FRMD4A: variants seen among roughly 807,000 people sequenced by gnomAD.
FRMD4A encodes FERM domain containing 4A, also known as FERM domain-containing protein 4A.
Under a neutral mutation model 129.1 loss-of-function variants are expected in FRMD4A, and 29 were observed. The ratio of observed to expected loss-of-function variants is 0.22; its 90% confidence interval spans 0.17 to 0.31. The LOEUF (loss-of-function observed/expected upper bound fraction) is 0.31, where lower values mean the gene tolerates loss of function less well. Among genes scored for constraint, FRMD4A ranks in the 10% least tolerant of loss-of-function variants. The pLI, the probability that FRMD4A is intolerant of heterozygous loss-of-function variation, is 1.00. For missense variants in FRMD4A, 1,272 were observed against 1,375.8 expected, an observed-to-expected ratio of 0.92 and a Z score of 1.19; for synonymous variants, 634 against 571.6, an observed-to-expected ratio of 1.11 and a Z score of -1.56.
At chr10:14,294,934 A>C (rs1845962428) in intron 2 of FRMD4A, among the ~76,000 whole-genome samples, 2 of 152,166 alleles carry the variant, frequency 1.3e-5, no homozygotes. Flanking sequence ...TCGGCAATCT[A>C]TCCTGGTATC....
At chr10:13,868,140 A>G (rs926552622) in intron 2 of FRMD4A, among the ~76,000 whole-genome samples, 10 of 151,444 alleles carry the variant, frequency 6.6e-5, no homozygotes, top group African/African-American at 2.2e-4. Flanking sequence ...CCAGGGAAAT[A>G]ACACTTATTA....
intron 2 of FRMD4A, among the ~76,000 whole-genome samples, chr10:13,979,822 G>A (rs10508470): frequency 0.26 from 39,263 of 152,122 alleles, 6,104 homozygotes; most frequent in East Asian, 0.6. Flanking sequence ...TGTATGTTCT[G>A]TTAAAACACA....
In FRMD4A at chr10:13,904,995, A is replaced by AG. The variant is rs71388131; in HGVS notation, c.46-46084_46-46083insC. Among the ~76,000 whole-genome samples, 875 of 146,772 alleles carry AG rather than the reference A, an allele frequency of 6.0e-3. 20 individuals carry two copies. Among genetic ancestry groups the AG allele is most frequent in the Middle Eastern group, 0.011 (3 of 282 alleles). On this transcript the variant is annotated intron_variant, in intron 2 of 24. Transcript: ENST00000357447. ...GCGACAGAGTGAGACTCTATCTCAA[A>AG]AAAAAAAAAAAAAAAGAAAAGAAAA...
At chr10:13,948,101 A>G (rs2095345652) in intron 2 of FRMD4A, among the ~76,000 whole-genome samples, 1 of 151,874 alleles carries the variant, frequency 6.6e-6, no homozygotes, top group South Asian at 2.1e-4. Context: ...TTTTCTTGTT[A>G]TTGTGCAAGC....
At chr10:14,234,509 G>C (rs540506576) in intron 2 of FRMD4A, among the ~76,000 whole-genome samples, 1 of 152,180 alleles carries the variant, frequency 6.6e-6, no homozygotes, top group Non-Finnish European at 1.5e-5. Flanking sequence ...ACGTTACTCT[G>C]GGCTGCCAGA....
chr10:14,256,834 A>G (rs1481301067), intron 2 of FRMD4A, among the ~76,000 whole-genome samples: 1 of 152,072 alleles, frequency 6.6e-6, no homozygotes, highest in Admixed American at 6.6e-5. Context: ...AATTTTTTAA[A>G]ATAAAAATAA....
At chr10:13,804,554 T>TCTTTC (rs1209518708) in intron 4 of FRMD4A, among the ~76,000 whole-genome samples, 15 of 151,044 alleles carry the variant, frequency 9.9e-5, no homozygotes, top group African/African-American at 2.4e-4. Flanking sequence ...TTTATTTCTT[T>TCTTTC]TTTTTGTTGA....
intron 2 of FRMD4A, among the ~76,000 whole-genome samples, chr10:14,053,591 C>G (rs1453255254): frequency 6.6e-6 from 1 of 152,160 alleles, no homozygotes; most frequent in Non-Finnish European, 1.5e-5. Context: ...AAGTGCCTCA[C>G]TTTACTTTCC....
chr10:14,240,483 C>A (rs1324793965), intron 2 of FRMD4A, among the ~76,000 whole-genome samples: 2 of 152,154 alleles, frequency 1.3e-5, no homozygotes, highest in African/African-American at 4.8e-5. Context: ...CTCCTAGCAA[C>A]TGTTGTTATG....
At chr10:13,868,396 T>G (rs7901467) in intron 2 of FRMD4A, among the ~76,000 whole-genome samples, 1 of 152,142 alleles carries the variant, frequency 6.6e-6, no homozygotes, top group South Asian at 2.1e-4. Flanking sequence ...GACACAGGCA[T>G]GAGACACCAG....
At chr10:14,055,132 A>G (rs973951461) in intron 2 of FRMD4A, among the ~76,000 whole-genome samples, 1 of 152,006 alleles carries the variant, frequency 6.6e-6, no homozygotes, top group Non-Finnish European at 1.5e-5. Flanking sequence ...GAAGTACTTC[A>G]GAGAAGATCC....
At chr10:14,229,369 C>T (rs111373249) in intron 2 of FRMD4A, among the ~76,000 whole-genome samples, 172 of 152,292 alleles carry the variant, frequency 1.1e-3, no homozygotes, top group African/African-American at 3.5e-3. Context: ...ATCATTTAAA[C>T]TTGTGCTACT....
At chr10:13,984,792 T>C (rs2095575190) in intron 2 of FRMD4A, among the ~76,000 whole-genome samples, 1 of 152,204 alleles carries the variant, frequency 6.6e-6, no homozygotes. Context: ...TTGTTTCCAC[T>C]TTTTGGCTAC....
At chr10:14,217,330 C>T (rs1714478422) in intron 2 of FRMD4A, among the ~76,000 whole-genome samples, 1 of 152,052 alleles carries the variant, frequency 6.6e-6, no homozygotes, top group African/African-American at 2.4e-5. Context: ...TGGGAGGGAC[C>T]CAGTGGGAGA....
intron 2 of FRMD4A, among the ~76,000 whole-genome samples, chr10:14,110,141 A>AAAAAAAAAAAAAAAAAAC (rs1355338689): frequency 6.6e-6 from 1 of 150,734 alleles, no homozygotes; most frequent in Non-Finnish European, 1.5e-5. Context: ...AAAAAAAAAA[A>AAAAAAAAAAAAAAAAAAC]AAAAAAGCTC....
intron 2 of FRMD4A, among the ~76,000 whole-genome samples, chr10:13,984,947 G>A (rs922368646): frequency 6.6e-6 from 1 of 152,238 alleles, no homozygotes; most frequent in South Asian, 2.1e-4. Context: ...TGTGCTGTTA[G>A]ATACTGATCT....
At chr10:13,736,208 G>C (rs1218337658) in intron 12 of FRMD4A, among the ~76,000 whole-genome samples, 1 of 152,004 alleles carries the variant, frequency 6.6e-6, no homozygotes, top group African/African-American at 2.4e-5. Flanking sequence ...GTTCTAAAAA[G>C]AAGGAGGGAA....
In FRMD4A at chr10:14,020,706, C is replaced by T. The variant is rs1588794173; in HGVS notation, c.46-161794G>A. 2.0e-5 allele frequency among the ~76,000 whole-genome samples: 3 copies of T among 152,104 alleles called. No individual in the cohort carries two copies. The South Asian group carries it at 6.2e-4, about 32-fold the overall frequency. The stretch of plus-strand genomic sequence containing the variant: ...TTGTTTAGAGGCCATGCTAGGGAAG[C>T]CAGCAGGAGCACAGGGCTCCTGCAA... On this transcript the variant is annotated intron_variant, in intron 2 of 24. Transcript: ENST00000357447.
intron 2 of FRMD4A, among the ~76,000 whole-genome samples, chr10:14,027,022 C>T (rs569597268): frequency 2.0e-5 from 3 of 152,110 alleles, no homozygotes; most frequent in Non-Finnish European, 2.9e-5. Context: ...ATATTTTGAT[C>T]CAGGCATGCA....
Sources: gnomAD v4.1 joint callset for allele counts (sites outside exome capture counted in the v4.1 genomes callset) on GRCh38, gnomAD v4.1.1 for gene constraint, MANE v1.5 for transcripts, NCBI Gene and HGNC (gene_info 2026-07-23, HGNC 2026-07-21) for gene names.